GRIK2: variants seen among roughly 807,000 people sequenced by gnomAD.
GRIK2 encodes glutamate ionotropic receptor kainate type subunit 2.
A neutral mutation model predicts 100.3 loss-of-function variants in GRIK2; 32 were observed. The ratio of observed to expected loss-of-function variants is 0.32; its 90% CI spans 0.24 to 0.43. The LOEUF is 0.43. Ranked by LOEUF, GRIK2 falls within the 20% of genes least tolerant of loss-of-function variation. GRIK2 has a pLI of 1.00. For missense variants in GRIK2, 843 were observed against 1,114.9 expected, an observed-to-expected ratio of 0.76 and a Z score of 3.47; for synonymous variants, 417 against 389.4, an observed-to-expected ratio of 1.07 and a Z score of -0.83.
At chr6:101,674,049 T>G (rs1385765519) in intron 4 of GRIK2, among the ~76,000 whole-genome samples, 2 of 152,222 alleles carry the variant, frequency 1.3e-5, no homozygotes, top group Non-Finnish European at 2.9e-5. Flanking sequence ...TATGGTTTTC[T>G]GACTCACCTT....
intron 12 of GRIK2, among the ~76,000 whole-genome samples, chr6:101,920,086 G>C (rs531518245): frequency 6.6e-6 from 1 of 151,852 alleles, no homozygotes; most frequent in African/African-American, 2.4e-5. Context: ...AATGGAAAAG[G>C]GAAAAGATGT....
chr6:101,678,773 G>T (rs1771026008), intron 5 of GRIK2, among the ~76,000 whole-genome samples: 2 of 152,316 alleles, frequency 1.3e-5, no homozygotes, highest in South Asian at 4.1e-4. Context: ...ATCCAAGAAT[G>T]AATAATAGGA....
At chr6:101,706,648 G>A (rs1167829016) in intron 7 of GRIK2, among the ~76,000 whole-genome samples, 1 of 151,930 alleles carries the variant, frequency 6.6e-6, no homozygotes, top group African/African-American at 2.4e-5. Flanking sequence ...TGTAAAAGGA[G>A]AGAGGGAAGA....
chr6:101,397,057 A>G (rs970297724), intron 1 of GRIK2, among the ~76,000 whole-genome samples: 1 of 152,232 alleles, frequency 6.6e-6, no homozygotes, highest in South Asian at 2.1e-4. Context: ...AAAAGTTGCA[A>G]CCATAATGTA....
At chr6:101,987,305 T>G (rs188268404) in intron 14 of GRIK2, among the ~76,000 whole-genome samples, 370 of 151,972 alleles carry the variant, frequency 2.4e-3, no homozygotes, top group Non-Finnish European at 3.9e-3. Flanking sequence ...ACATTGGTTC[T>G]TTAGAATCAT....
chr6:101,429,215 C>T (rs1769235885), intron 2 of GRIK2, among the ~76,000 whole-genome samples: 1 of 152,136 alleles, frequency 6.6e-6, no homozygotes, highest in South Asian at 2.1e-4. Flanking sequence ...CTTGTTATTC[C>T]TAATTCAGGA....
chr6:101,670,239 C>T, intron 4 of GRIK2, among the ~76,000 whole-genome samples: 1 of 151,962 alleles, frequency 6.6e-6, no homozygotes. Context: ...GTGTCTTACA[C>T]ATAGTGGATG....
intron 14 of GRIK2, among the ~76,000 whole-genome samples, chr6:101,989,498 T>C (rs1047944724): frequency 6.6e-6 from 1 of 151,698 alleles, no homozygotes; most frequent in African/African-American, 2.4e-5. Flanking sequence ...TTGATATCAC[T>C]TTTTAAGGTG....
intron 9 of GRIK2, among the ~76,000 whole-genome samples, chr6:101,810,158 T>C (rs575051960): frequency 6.6e-6 from 1 of 152,012 alleles, no homozygotes; most frequent in South Asian, 2.1e-4. Flanking sequence ...AAATCAAATC[T>C]GACCTACATT....
intron 2 of GRIK2, among the ~76,000 whole-genome samples, chr6:101,495,564 A>G (rs1773400822): frequency 6.6e-6 from 1 of 152,126 alleles, no homozygotes; most frequent in Non-Finnish European, 1.5e-5. Flanking sequence ...ATTGGTTTCC[A>G]TACATTATGC....
intron 7 of GRIK2, among the ~76,000 whole-genome samples, chr6:101,756,899 A>G (rs1777169790): frequency 6.6e-6 from 1 of 152,164 alleles, no homozygotes; most frequent in Non-Finnish European, 1.5e-5. Flanking sequence ...TGCACTTACT[A>G]AGAATTAATC....
rs1781648761 is a variant in GRIK2 at position 101,648,778 on chromosome 6, C to A, written c.541+22141C>A. On this transcript the variant is annotated intron_variant, in intron 4 of 16. Transcript: ENST00000369134. Reference sequence around the variant, plus strand: ...GAAACTATATGTATTAGTCTGTTCTCATACTGCTAATAAAAAGATACCTGA... The same window carrying A: ...GAAACTATATGTATTAGTCTGTTCTAATACTGCTAATAAAAAGATACCTGA... Among the ~76,000 whole-genome samples the A allele has an allele frequency of 3.9e-5, 6 of 151,936 alleles. No homozygotes were observed. The South Asian group carries it at 1.2e-3, about 32-fold the overall frequency.
At chr6:101,458,671 T>C (rs1771134619) in intron 2 of GRIK2, among the ~76,000 whole-genome samples, 1 of 152,210 alleles carries the variant, frequency 6.6e-6, no homozygotes, top group South Asian at 2.1e-4. Flanking sequence ...CCACCTCTGC[T>C]AGACAATCGT....
chr6:101,996,859 T>C lies in GRIK2; in HGVS notation c.2086-38482T>C, dbSNP rs368961770. The stretch of plus-strand genomic sequence containing the variant: ...TCCACCATTGGCCAATTTTCATGAA[T>C]GTTGTCAATGATAGAATTTCTCGAT... On this transcript the variant is annotated intron_variant, in intron 14 of 16. Coordinates refer to ENST00000369134, the MANE Select transcript of GRIK2 (RefSeq NM_021956.5). Among the ~76,000 whole-genome samples the C allele has an allele frequency of 3.4e-4, 51 of 152,222 alleles. 1 individual carries two copies. Among genetic ancestry groups the C allele is most frequent in the African/African-American group, 1.2e-3 (48 of 41,576 alleles).
intron 2 of GRIK2, among the ~76,000 whole-genome samples, chr6:101,588,758 A>C (rs1430683527): frequency 1.3e-5 from 2 of 152,114 alleles, no homozygotes; most frequent in South Asian, 2.1e-4. Context: ...CATTCTAAAC[A>C]TGGCACATAC....
chr6:101,816,698 A>G (rs1219622484), intron 9 of GRIK2, among the ~76,000 whole-genome samples: 1 of 152,082 alleles, frequency 6.6e-6, no homozygotes, highest in Non-Finnish European at 1.5e-5. Context: ...TCAAAAATAG[A>G]TAAATAAATA....
At chr6:101,625,902 CAT>C (rs1286442224) in intron 3 of GRIK2, among the ~76,000 whole-genome samples, 2 of 152,082 alleles carry the variant, frequency 1.3e-5, no homozygotes, top group Non-Finnish European at 2.9e-5. Flanking sequence ...CATAACCCGA[CAT>C]GTATCATCAG....
intron 10 of GRIK2, among the ~76,000 whole-genome samples, chr6:101,849,749 AT>A (rs558402568): frequency 9.4e-6 from 1 of 106,916 alleles, no homozygotes; most frequent in East Asian, 3.4e-4. Context: ...ATCTTAGATT[AT>A]TTTTTTGTAA....
At chr6:101,542,001 T>C (rs959780316) in intron 2 of GRIK2, among the ~76,000 whole-genome samples, 1 of 152,144 alleles carries the variant, frequency 6.6e-6, no homozygotes, top group African/African-American at 2.4e-5. Context: ...TACACAATGA[T>C]ATTTAAATGA....
Sources: gnomAD v4.1 joint callset for allele counts (sites outside exome capture counted in the v4.1 genomes callset) on GRCh38, gnomAD v4.1.1 for gene constraint, MANE v1.5 for transcripts, NCBI Gene and HGNC (gene_info 2026-07-23, HGNC 2026-07-21) for gene names.